The following XPR1 variants were observed in gnomAD, a reference collection of about 807,000 sequenced individuals.
The protein encoded by XPR1 is solute carrier family 53 member 1.
XPR1 carries 28 observed loss-of-function variants against 87.5 expected under a neutral mutation model. The observed-to-expected ratio is 0.32, with a 90% confidence interval of 0.24 to 0.44. XPR1 has a LOEUF of 0.44. Ranked by LOEUF, XPR1 falls within the 20% of genes least tolerant of loss-of-function variation. The pLI is 1.00. For synonymous variants in XPR1, 300 were observed against 306.1 expected, an observed-to-expected ratio of 0.98 and a Z score of 0.21; for missense variants, 559 against 862.3, an observed-to-expected ratio of 0.65 and a Z score of 4.41.
intron 11 of XPR1, among the ~76,000 whole-genome samples, chr1:180,851,352 G>T (rs1212210899): frequency 1.3e-5 from 2 of 152,126 alleles, no homozygotes; most frequent in Non-Finnish European, 2.9e-5. Flanking sequence ...ACTGGAGGTG[G>T]GGTGTGGTGG....
At chr1:180,875,615 T>C (rs867723244) in intron 13 of XPR1, among the ~76,000 whole-genome samples, 2 of 151,920 alleles carry the variant, frequency 1.3e-5, no homozygotes, top group Admixed American at 1.3e-4. Flanking sequence ...AGGAAATGTG[T>C]AACTTTACAT....
At chr1:180,789,710 C>T (rs915408823) in intron 3 of XPR1, among the ~76,000 whole-genome samples, 1 of 152,032 alleles carries the variant, frequency 6.6e-6, no homozygotes, top group Non-Finnish European at 1.5e-5. Context: ...ATGGCCACCA[C>T]ACCCAGCCAG....
chr1:180,806,781 T>A (rs928867838), intron 6 of XPR1, among the ~76,000 whole-genome samples: 3 of 152,208 alleles, frequency 2.0e-5, no homozygotes, highest in Non-Finnish European at 2.9e-5. Context: ...TGTTTATTCT[T>A]ACTGACATGT....
intron 2 of XPR1, among the ~76,000 whole-genome samples, chr1:180,722,672 C>G (rs186326325): frequency 4.5e-4 from 68 of 152,264 alleles, no homozygotes; most frequent in African/African-American, 1.6e-3. Flanking sequence ...CCTAAGAAAA[C>G]TAAATGATCA....
chr1:180,661,026 T>G (rs1279109293), intron 1 of XPR1, among the ~76,000 whole-genome samples: 1 of 152,198 alleles, frequency 6.6e-6, no homozygotes, highest in East Asian at 1.9e-4. Context: ...ATCTGGGTGC[T>G]CCAGTGTTTC....
At chr1:180,738,593 A>G (rs1658810660) in intron 2 of XPR1, among the ~76,000 whole-genome samples, 1 of 152,180 alleles carries the variant, frequency 6.6e-6, no homozygotes, top group African/African-American at 2.4e-5. Flanking sequence ...TAACCATCAC[A>G]ATCTTAAGGT....
intron 9 of XPR1, among the ~76,000 whole-genome samples, chr1:180,829,823 T>G (rs1650992363): frequency 6.7e-6 from 1 of 149,970 alleles, no homozygotes; most frequent in Non-Finnish European, 1.5e-5. Flanking sequence ...TTCTTCCCAG[T>G]TTTTTTTTTA....
At chr1:180,855,451 G>C (rs1002437724) in intron 11 of XPR1, among the ~76,000 whole-genome samples, 2 of 152,106 alleles carry the variant, frequency 1.3e-5, no homozygotes, top group African/African-American at 4.8e-5. Flanking sequence ...CAGATTATGA[G>C]GTCAGGAGAT....
intron 2 of XPR1, among the ~76,000 whole-genome samples, chr1:180,748,265 C>T (rs1357909005): frequency 2.6e-5 from 4 of 151,870 alleles, no homozygotes; most frequent in South Asian, 2.1e-4. Context: ...GAAATCTTGT[C>T]GGCTGATTGT....
chr1:180,834,639 A>G (rs1256008813), intron 9 of XPR1, among the ~76,000 whole-genome samples: 1 of 152,142 alleles, frequency 6.6e-6, no homozygotes, highest in African/African-American at 2.4e-5. Flanking sequence ...TTCTAACTAT[A>G]GTTATTCCTG....
At chr1:180,698,732 G>GA (rs994990090) in intron 2 of XPR1, among the ~76,000 whole-genome samples, 36 of 150,966 alleles carry the variant, frequency 2.4e-4, no homozygotes, top group African/African-American at 8.5e-4. Flanking sequence ...TGCACATTTG[G>GA]AAAAAAAAAT....
chr1:180,779,308 T>C (rs1009161355), intron 2 of XPR1, among the ~76,000 whole-genome samples: 5 of 151,290 alleles, frequency 3.3e-5, no homozygotes, highest in African/African-American at 1.2e-4. Flanking sequence ...GTCACTAGAA[T>C]GTAAACTGTG....
At chr1:180,751,661 T>G (rs931272721) in intron 2 of XPR1, among the ~76,000 whole-genome samples, 4 of 152,118 alleles carry the variant, frequency 2.6e-5, no homozygotes, top group African/African-American at 9.6e-5. Flanking sequence ...CATTTAAAAT[T>G]TTTGTTTCTT....
At chr1:180,835,834 C>G (rs1180111131) in intron 10 of XPR1, among the ~76,000 whole-genome samples, 3 of 152,272 alleles carry the variant, frequency 2.0e-5, no homozygotes, top group African/African-American at 4.8e-5. Context: ...ACAAAATTGT[C>G]TAGAATCACT....
intron 9 of XPR1, 111 bp downstream of exon 9, chr1:180,825,455 A>G: frequency 1.7e-6 from 2 of 1,163,566 alleles, no homozygotes; most frequent in Non-Finnish European, 2.3e-6. Context: ...CGTGGTTCAC[A>G]TTATAGTTTA....
Position 180,640,310 on chromosome 1 carries a change from G to C in XPR1, c.69+8040G>C, listed in dbSNP as rs143885170. Among the ~76,000 whole-genome samples, 1,065 of 152,264 alleles carry C rather than the reference G, an allele frequency of 7.0e-3. 15 individuals are homozygous for C. The highest frequency in any genetic ancestry group is 0.024 in the African/African-American group (1,012 of 41,544). On this transcript the variant is annotated intron_variant, in intron 1 of 14. Transcript: ENST00000367590. The stretch of plus-strand genomic sequence containing the variant: ...AGCTGTTATTTTTTGAGCGCTTACT[G>C]TATCAGGCACTGTGGTAAGTTCTTT...
intron 9 of XPR1, among the ~76,000 whole-genome samples, chr1:180,831,477 A>T (rs1651063769): frequency 6.7e-6 from 1 of 148,516 alleles, no homozygotes; most frequent in Non-Finnish European, 1.5e-5. Context: ...TACATGTGCC[A>T]TGGTGGTTTG....
Position 180,863,814 on chromosome 1 carries a change from C to G in XPR1, c.1608C>G (p.Leu536=). 6.2e-7 allele frequency: 1 copy of G among 1,612,362 alleles called. No homozygotes were observed. The highest frequency in any genetic ancestry group is 8.5e-7 in the Non-Finnish European group (1 of 1,179,360). The change falls in exon 12 of 15, where the codon CTC becomes CTG. Residue 536 remains leucine, a synonymous_variant. Transcript: ENST00000367590. ...GGGATCTCAAGATGGACTGGGGTCT[C>G]TTCGATAAGAATGCTGGAGAGAACA... is the stretch of plus-strand genomic sequence containing the variant. ...LIWDLKMDWG[L]FDKNAGENTF...
chr1:180,884,278 A>T lies in XPR1; in HGVS notation c.*212A>T. The T allele has an allele frequency of 2.1e-6, 1 of 483,234 alleles. No individual in the cohort carries two copies. The highest frequency in any genetic ancestry group is 2.9e-5 in the South Asian group (1 of 34,222). The allele number at this position is 483,234 out of a possible 1,614,324, so 29.9% of individuals were successfully genotyped here. On this transcript the variant is annotated 3_prime_UTR_variant, in exon 15 of 15. Coordinates refer to ENST00000367590, the MANE Select transcript of XPR1 (RefSeq NM_004736.4). ...TTTAATTTTAATTTTCTATTTTCAA[A>T]ACAAATATTTACTTCATTTGCCAAT...
Sources: gnomAD v4.1 joint callset for allele counts (sites outside exome capture counted in the v4.1 genomes callset) on GRCh38, gnomAD v4.1.1 for gene constraint, MANE v1.5 for transcripts, NCBI Gene and HGNC (gene_info 2026-07-23, HGNC 2026-07-21) for gene names.